SORD: variants seen among roughly 807,000 people sequenced by gnomAD.
SORD encodes the protein sorbitol dehydrogenase, also known as (R,R)-butanediol dehydrogenase.
Under a neutral mutation model 35.6 loss-of-function variants are expected in SORD, and 18 were observed. The observed-to-expected ratio is 0.51, with a 90% CI of 0.35 to 0.75. The LOEUF is 0.75. Ranked by LOEUF, SORD falls within the 30% of genes least tolerant of loss-of-function variation. The pLI, the probability that SORD is intolerant of heterozygous loss-of-function variation, is 0.01. For synonymous variants in SORD, 106 were observed against 152.9 expected, an observed-to-expected ratio of 0.69 and a Z score of 2.26; for missense variants, 250 against 390.2, an observed-to-expected ratio of 0.64 and a Z score of 3.03.
intron 3 of SORD, among the ~76,000 whole-genome samples, chr15:45,046,410 T>G (rs970400555): frequency 2.0e-5 from 3 of 152,104 alleles, no homozygotes; most frequent in Non-Finnish European, 4.4e-5. Context: ...ACCTGGCTAA[T>G]TTTTGTATTT....
intron 1 of SORD, among the ~76,000 whole-genome samples, chr15:45,026,846 G>A (rs1471950451): frequency 1.3e-5 from 2 of 151,584 alleles, no homozygotes; most frequent in Admixed American, 1.3e-4. Flanking sequence ...CAGCGTCTGG[G>A]GCAGTGGTTC....
intron 7 of SORD, 131 bp downstream of exon 7, chr15:45,069,183 GTTTTCT>G: frequency 5.8e-6 from 1 of 171,430 alleles, no homozygotes; most frequent in South Asian, 3.0e-4. Context: ...TGCCATCTAT[GTTTTCT>G]TTTTCTTTTT....
At chr15:45,039,723 T>A (rs1205051964) in intron 1 of SORD, among the ~76,000 whole-genome samples, 1 of 152,194 alleles carries the variant, frequency 6.6e-6, no homozygotes, top group Non-Finnish European at 1.5e-5. Flanking sequence ...CAGGTATCAG[T>A]CTTTGTGCTG....
chr15:45,027,152 T>C (rs1892686811), intron 1 of SORD, among the ~76,000 whole-genome samples: 1 of 152,274 alleles, frequency 6.6e-6, no homozygotes, highest in Admixed American at 6.5e-5. Flanking sequence ...CTTAAGGATT[T>C]TCGCTTTTCC....
intron 1 of SORD, among the ~76,000 whole-genome samples, chr15:45,029,536 G>C: frequency 6.6e-6 from 1 of 152,274 alleles, no homozygotes; most frequent in East Asian, 1.9e-4. Context: ...TGAAGCCCCA[G>C]AGGGGCTGTT....
At position 45,065,643 on chromosome 15, in the gene SORD, G is replaced by A. The variant is rs561392476; in HGVS notation, c.544+254G>A. ...GTTCATTTAAAGAATGAATTGGCTG[G>A]GCACAGTGGCTCCTGCCTATAATCC... is the stretch of plus-strand genomic sequence containing the variant. On this transcript the variant is annotated intron_variant, in intron 5 of 8. Coordinates refer to ENST00000267814, the MANE Select transcript of SORD (RefSeq NM_003104.6). Among the ~76,000 whole-genome samples, 314 of 152,304 alleles carry A rather than the reference G, an allele frequency of 2.1e-3. 3 individuals are homozygous for A. The highest frequency in any genetic ancestry group is 7.2e-3 in the African/African-American group (299 of 41,552).
chr15:45,032,309 TACC>T (rs1399514615), intron 1 of SORD, among the ~76,000 whole-genome samples: 3 of 152,240 alleles, frequency 2.0e-5, no homozygotes, highest in East Asian at 1.9e-4. Flanking sequence ...TTATGTATTT[TACC>T]ACAATATATT....
chr15:45,066,021 A>G (rs1893398794), intron 5 of SORD, among the ~76,000 whole-genome samples: 1 of 152,084 alleles, frequency 6.6e-6, no homozygotes, highest in African/African-American at 2.4e-5. Flanking sequence ...AGACGGGTAG[A>G]TCACTTGAGG....
intron 3 of SORD, among the ~76,000 whole-genome samples, chr15:45,048,795 G>A (rs1437957675): frequency 1.3e-5 from 2 of 152,044 alleles, no homozygotes; most frequent in South Asian, 2.1e-4. Flanking sequence ...GGAGGGAGGG[G>A]GCAGCAAAAG....
At chr15:45,073,261 A>G (rs1482399558) in intron 8 of SORD, 104 bp from the exon 9 acceptor site, 1 of 586,558 alleles carries the variant, frequency 1.7e-6, no homozygotes, top group Non-Finnish European at 2.8e-6. Context: ...GCAGAACCAC[A>G]GTGCTATCAA....
At chr15:45,063,458 G>T (rs1289915067) in intron 4 of SORD, among the ~76,000 whole-genome samples, 1 of 151,754 alleles carries the variant, frequency 6.6e-6, no homozygotes, top group Non-Finnish European at 1.5e-5. Flanking sequence ...GGACAAGATT[G>T]GGGAGGGTGG....
chr15:45,058,884 T>C (rs550612093), intron 3 of SORD, among the ~76,000 whole-genome samples: 27 of 152,344 alleles, frequency 1.8e-4, no homozygotes, highest in Middle Eastern at 3.4e-3. Flanking sequence ...AAGCATGTAT[T>C]AGGCAAGCAC....
chr15:45,046,730 T>C (rs1179593761), intron 3 of SORD, among the ~76,000 whole-genome samples: 1 of 152,160 alleles, frequency 6.6e-6, no homozygotes, highest in Non-Finnish European at 1.5e-5. Context: ...TTTAAACATA[T>C]AAGTCAGCCG....
intron 3 of SORD, among the ~76,000 whole-genome samples, chr15:45,052,272 C>A (rs1893137247): frequency 6.6e-6 from 1 of 152,140 alleles, no homozygotes; most frequent in African/African-American, 2.4e-5. Context: ...AGAACAGGTG[C>A]CTCAAACATA....
intron 3 of SORD, among the ~76,000 whole-genome samples, chr15:45,044,187 C>A (rs531095278): frequency 1.1e-4 from 17 of 152,308 alleles, no homozygotes; most frequent in African/African-American, 3.6e-4. Flanking sequence ...CAAGAAGGCT[C>A]CTGTGGTGTT....
intron 3 of SORD, among the ~76,000 whole-genome samples, chr15:45,046,485 A>T (rs569283066): frequency 6.6e-6 from 1 of 152,254 alleles, no homozygotes; most frequent in East Asian, 1.9e-4. Flanking sequence ...TCAGGTGATC[A>T]GCCCTCCTCG....
intron 7 of SORD, among the ~76,000 whole-genome samples, chr15:45,069,690 G>C (rs1322983792): frequency 6.6e-6 from 1 of 152,144 alleles, no homozygotes; most frequent in Non-Finnish European, 1.5e-5. Context: ...AGACCAAGAA[G>C]AAAAACAGGG....
intron 3 of SORD, among the ~76,000 whole-genome samples, chr15:45,049,069 T>C (rs1489536944): frequency 1.3e-5 from 2 of 152,170 alleles, no homozygotes; most frequent in East Asian, 3.8e-4. Context: ...GGGAGGAAAC[T>C]TTTTCCTGGG....
At chr15:45,052,984 C>T (rs1893152290) in intron 3 of SORD, among the ~76,000 whole-genome samples, 1 of 152,100 alleles carries the variant, frequency 6.6e-6, no homozygotes, top group South Asian at 2.1e-4. Context: ...ACAGAAGGTG[C>T]TGAGATAGAA....
Sources: gnomAD v4.1 joint callset for allele counts (sites outside exome capture counted in the v4.1 genomes callset) on GRCh38, gnomAD v4.1.1 for gene constraint, MANE v1.5 for transcripts, NCBI Gene and HGNC (gene_info 2026-07-23, HGNC 2026-07-21) for gene names.